Variants in CLASP1 observed in about 807,000 individuals in gnomAD.
The protein encoded by CLASP1 is CLIP-associating protein 1.
A neutral mutation model predicts 192.3 loss-of-function variants in CLASP1; 38 were observed. That is an observed-to-expected ratio of 0.20 (90% CI 0.15 to 0.26). The LOEUF (loss-of-function observed/expected upper bound fraction) is 0.26, where lower values mean the gene tolerates loss of function less well. Ranked by LOEUF, CLASP1 falls within the 10% of genes least tolerant of loss-of-function variation. The pLI, the probability that CLASP1 is intolerant of heterozygous loss-of-function variation, is 1.00. For missense variants in CLASP1, 1,433 were observed against 1,932.5 expected (o/e 0.74, Z 4.85); for synonymous variants, 691 against 712.8 (o/e 0.97, Z 0.49).
At chr2:121,478,615 C>T (rs922640955) in intron 8 of CLASP1, among the ~76,000 whole-genome samples, 1 of 137,432 alleles carries the variant, frequency 7.3e-6, no homozygotes, top group Non-Finnish European at 1.6e-5. Flanking sequence ...CACACACACA[C>T]ACCACACACA....
rs138498588 is a variant in CLASP1 at position 121,582,975 on chromosome 2, G to A, written c.195+22726C>T. On this transcript the variant is annotated intron_variant, in intron 2 of 39. Transcript: ENST00000263710. ...TAATTTTTGTATTTTTAGTAGATAC[G>A]GGGTTTCACCATGTTGGCAAGGCTG... Among the ~76,000 whole-genome samples, 342 of 151,828 alleles carry A rather than the reference G, an allele frequency of 2.3e-3. 3 individuals are homozygous for A. The East Asian group carries it at 0.025, about 11-fold the overall frequency.
chr2:121,442,456 T>G lies in CLASP1; in HGVS notation c.1912+4881A>C, dbSNP rs1325108689. On this transcript the variant is annotated intron_variant, in intron 19 of 39. Coordinates refer to ENST00000263710, the Ensembl canonical transcript of CLASP1. ...TATAGTAATAAAATTGCCAGTAAAC[T>G]CAAACGTACTGCCTAAATTTCTTTC... Among the ~76,000 whole-genome samples, 10 of 152,006 alleles carry G rather than the reference T, an allele frequency of 6.6e-5. No individual in the cohort carries two copies. In the South Asian group the frequency reaches 2.1e-3, roughly 32 times the overall value.
exon 30 of CLASP1, chr2:121,397,192 A>G: frequency 1.2e-6 from 2 of 1,613,868 alleles, no homozygotes; most frequent in Non-Finnish European, 1.7e-6. Context: ...GATTCTAGAA[A>G]CAGCAAGCCT....
At chr2:121,476,237 A>G (rs532038657) in intron 8 of CLASP1, among the ~76,000 whole-genome samples, 65 of 152,278 alleles carry the variant, frequency 4.3e-4, no homozygotes, top group African/African-American at 1.6e-3. Flanking sequence ...CAGGGCCAGC[A>G]CTAGGAGGTC....
At chr2:121,484,949 A>T (rs2092868655) in intron 8 of CLASP1, among the ~76,000 whole-genome samples, 1 of 152,236 alleles carries the variant, frequency 6.6e-6, no homozygotes, top group Admixed American at 6.5e-5. Context: ...CTAACTGCCC[A>T]AAGAGACTTT....
At chr2:121,373,866 A>G (rs1321474787) in intron 34 of CLASP1, among the ~76,000 whole-genome samples, 3 of 152,246 alleles carry the variant, frequency 2.0e-5, no homozygotes, top group Admixed American at 6.5e-5. Context: ...ACCTGAAACT[A>G]GAACCTATAT....
intron 2 of CLASP1, among the ~76,000 whole-genome samples, chr2:121,592,851 A>C (rs1407366970): frequency 1.3e-5 from 2 of 152,062 alleles, no homozygotes; most frequent in Non-Finnish European, 2.9e-5. Context: ...ACGGGGTTTC[A>C]CCGTGCTAGC....
chr2:121,478,957 CA>C (rs2092284214), intron 8 of CLASP1, among the ~76,000 whole-genome samples: 2 of 44,832 alleles, frequency 4.5e-5, no homozygotes, highest in African/African-American at 1.8e-4. Flanking sequence ...ACACCACACA[CA>C]CACACCACAC....
intron 8 of CLASP1, among the ~76,000 whole-genome samples, chr2:121,474,565 T>C (rs2091341492): frequency 6.6e-6 from 1 of 151,990 alleles, no homozygotes; most frequent in Non-Finnish European, 1.5e-5. Flanking sequence ...TGAAACCCCG[T>C]CTCTACTAAA....
rs140569544 is a variant in CLASP1 at position 121,554,156 on chromosome 2, C to T, written c.196-23831G>A. Among the ~76,000 whole-genome samples, 190 of 151,988 alleles carry T rather than the reference C, an allele frequency of 1.3e-3. 5 individuals carry two copies. Among genetic ancestry groups the T allele is most frequent in the Admixed American group, 0.012 (178 of 15,260 alleles). ...AGTTGAGCCTGGGAGGTCAAGGCTA[C>T]AGTGAGCCATGATCACCCACTGCAC... On this transcript the variant is annotated intron_variant, in intron 2 of 39. Coordinates refer to ENST00000263710, the Ensembl canonical transcript of CLASP1.
At chr2:121,395,695 A>C (rs912545750) in intron 30 of CLASP1, among the ~76,000 whole-genome samples, 2 of 152,194 alleles carry the variant, frequency 1.3e-5, no homozygotes, top group Admixed American at 6.5e-5. Flanking sequence ...TACAGAGTGC[A>C]TTGAGCTGAC....
chr2:121,511,355 G>A (rs763074835), intron 7 of CLASP1, among the ~76,000 whole-genome samples: 116 of 152,200 alleles, frequency 7.6e-4, no homozygotes, highest in African/African-American at 2.5e-3. Context: ...TTGGGAGGCC[G>A]AGGCGGGTGG....
chr2:121,646,958 T>C (rs2073278265), intron 1 of CLASP1, among the ~76,000 whole-genome samples: 1 of 146,548 alleles, frequency 6.8e-6, no homozygotes. Flanking sequence ...GAGAATGGCA[T>C]GAACCTGGGA....
chr2:121,567,999 C>G (rs916651637), intron 2 of CLASP1, among the ~76,000 whole-genome samples: 6 of 152,124 alleles, frequency 3.9e-5, no homozygotes, highest in Non-Finnish European at 1.5e-5. Context: ...GCTTTTACAT[C>G]CATGAATCAA....
At chr2:121,452,483 C>T (rs1350013917) in intron 14 of CLASP1, among the ~76,000 whole-genome samples, 2 of 152,166 alleles carry the variant, frequency 1.3e-5, no homozygotes, top group Non-Finnish European at 2.9e-5. Flanking sequence ...ACTTCGGGTT[C>T]TACCTCTACA....
At chr2:121,605,988 G>T (rs995478569) in exon 2 of CLASP1, 3 of 1,093,026 alleles carry the variant, frequency 2.7e-6, no homozygotes, top group Non-Finnish European at 4.0e-6. Flanking sequence ...CTCTTTGTTC[G>T]CTGAAGGTTA....
intron 14 of CLASP1, among the ~76,000 whole-genome samples, chr2:121,455,742 G>T (rs757022139): frequency 6.6e-6 from 1 of 152,092 alleles, no homozygotes; most frequent in East Asian, 1.9e-4. Flanking sequence ...GACGCCTATG[G>T]TCTCAGCTAC....
intron 2 of CLASP1, among the ~76,000 whole-genome samples, chr2:121,603,897 C>T (rs949573397): frequency 2.0e-5 from 3 of 151,972 alleles, no homozygotes; most frequent in Non-Finnish European, 2.9e-5. Flanking sequence ...GTAGAAGAGA[C>T]GATAGCAGAG....
At chr2:121,636,572 T>C (rs867333422) in intron 1 of CLASP1, among the ~76,000 whole-genome samples, 4 of 151,538 alleles carry the variant, frequency 2.6e-5, no homozygotes, top group Non-Finnish European at 4.4e-5. Flanking sequence ...GGCTGAGGCA[T>C]GAGAATCACT....
Sources: gnomAD v4.1 joint callset for allele counts (sites outside exome capture counted in the v4.1 genomes callset) on GRCh38, gnomAD v4.1.1 for gene constraint, MANE v1.5 for transcripts, NCBI Gene and HGNC (gene_info 2026-07-23, HGNC 2026-07-21) for gene names.